The following KCNH7 variants were observed in gnomAD, a reference collection of about 807,000 sequenced individuals.
KCNH7 encodes potassium voltage-gated channel subfamily H member 7, also known as voltage-gated inwardly rectifying potassium channel KCNH7.
In KCNH7, 49 loss-of-function variants were observed where a neutral mutation model predicts 120.8. The observed-to-expected ratio is 0.41, with a 90% CI of 0.32 to 0.51. The LOEUF is 0.51. Among genes scored for constraint, KCNH7 ranks in the 20% least tolerant of loss-of-function variants. The pLI, the probability that KCNH7 is intolerant of heterozygous loss-of-function variation, is 0.38. For missense variants in KCNH7, 1,097 were observed against 1,446.6 expected (o/e 0.76, Z 3.92); for synonymous variants, 547 against 516.1 (o/e 1.06, Z -0.81).
chr2:162,758,509 C>T (rs1688864179), intron 2 of KCNH7, among the ~76,000 whole-genome samples: 1 of 151,688 alleles, frequency 6.6e-6, no homozygotes, highest in African/African-American at 2.4e-5. Flanking sequence ...ATATAAATAA[C>T]TATGGGTATA....
intron 2 of KCNH7, among the ~76,000 whole-genome samples, chr2:162,646,413 T>C (rs1298521188): frequency 6.6e-6 from 1 of 152,168 alleles, no homozygotes; most frequent in African/African-American, 2.4e-5. Flanking sequence ...CACTCCACAC[T>C]ACAGAACGGC....
chr2:162,440,061 AAG>A (rs1334114338), intron 7 of KCNH7, among the ~76,000 whole-genome samples: 1 of 151,778 alleles, frequency 6.6e-6, no homozygotes, highest in African/African-American at 2.4e-5. Context: ...CAGTTAAATG[AAG>A]AGAGACTCAT....
intron 2 of KCNH7, among the ~76,000 whole-genome samples, chr2:162,810,928 G>A (rs1003212765): frequency 2.0e-5 from 3 of 151,978 alleles, no homozygotes; most frequent in African/African-American, 7.3e-5. Flanking sequence ...TATGGTAAAG[G>A]CCGCTCCCCT....
chr2:162,569,922 C>A (rs1369024562), intron 2 of KCNH7, among the ~76,000 whole-genome samples: 3 of 127,946 alleles, frequency 2.3e-5, no homozygotes, highest in African/African-American at 9.6e-5. Context: ...TGTTCTTTTA[C>A]ATTTGCTGAG....
chr2:162,716,339 T>C (rs1216582258), intron 2 of KCNH7, among the ~76,000 whole-genome samples: 1 of 152,180 alleles, frequency 6.6e-6, no homozygotes, highest in African/African-American at 2.4e-5. Flanking sequence ...TTATTTATTC[T>C]ATAAAAATTT....
intron 9 of KCNH7, among the ~76,000 whole-genome samples, chr2:162,419,541 T>C (rs928267962): frequency 1.9e-4 from 29 of 152,224 alleles, no homozygotes; most frequent in African/African-American, 6.7e-4. Flanking sequence ...TGAGAGTTAG[T>C]TTTTAGGTCT....
At chr2:162,768,743 G>T (rs1336737545) in intron 2 of KCNH7, among the ~76,000 whole-genome samples, 4 of 152,140 alleles carry the variant, frequency 2.6e-5, no homozygotes, top group Admixed American at 2.6e-4. Flanking sequence ...TGGAAAGTGT[G>T]AATGCAGGCT....
intron 2 of KCNH7, among the ~76,000 whole-genome samples, chr2:162,598,209 G>A (rs1694441508): frequency 6.6e-6 from 1 of 152,056 alleles, no homozygotes; most frequent in African/African-American, 2.4e-5. Flanking sequence ...AAGAGACTTT[G>A]AATAATTGAT....
At chr2:162,661,335 A>C (rs530642228) in intron 2 of KCNH7, among the ~76,000 whole-genome samples, 2 of 152,342 alleles carry the variant, frequency 1.3e-5, no homozygotes, top group South Asian at 4.1e-4. Flanking sequence ...TAGAGAATTC[A>C]GTGTGGAAGA....
At chr2:162,770,686 CTTTA>C (rs1447310663) in intron 2 of KCNH7, among the ~76,000 whole-genome samples, 6 of 151,698 alleles carry the variant, frequency 4.0e-5, no homozygotes, top group Admixed American at 2.6e-4. Flanking sequence ...TCTCATGAAT[CTTTA>C]TTTATTTTCA....
chr2:162,523,456 G>A (rs960613779), intron 3 of KCNH7, among the ~76,000 whole-genome samples: 7 of 151,716 alleles, frequency 4.6e-5, no homozygotes, highest in African/African-American at 1.7e-4. Flanking sequence ...TATTTCCTAT[G>A]GTAATGGGGC....
chr2:162,512,580 C>T, intron 5 of KCNH7, 74 bp downstream of exon 5: 3 of 1,353,024 alleles, frequency 2.2e-6, no homozygotes, highest in Non-Finnish European at 3.2e-6. Flanking sequence ...ACAGGGCATA[C>T]AGCAGGCAAG....
intron 2 of KCNH7, among the ~76,000 whole-genome samples, chr2:162,669,796 A>G (rs1284653299): frequency 6.6e-6 from 1 of 152,134 alleles, no homozygotes; most frequent in East Asian, 1.9e-4. Context: ...GGTAATGTCT[A>G]AAGTATGTGC....
chr2:162,680,719 C>T (rs752998733), intron 2 of KCNH7, among the ~76,000 whole-genome samples: 26 of 151,734 alleles, frequency 1.7e-4, no homozygotes, highest in Non-Finnish European at 2.7e-4. Flanking sequence ...CACTTATTGG[C>T]TGTGCGGGTG....
chr2:162,760,654 C>T (rs951264996), intron 2 of KCNH7, among the ~76,000 whole-genome samples: 22 of 152,090 alleles, frequency 1.4e-4, no homozygotes, highest in African/African-American at 5.3e-4. Context: ...ATTCTTAATG[C>T]GATCAAAAGT....
intron 2 of KCNH7, among the ~76,000 whole-genome samples, chr2:162,816,016 T>C (rs1688051651): frequency 6.6e-6 from 1 of 152,092 alleles, no homozygotes; most frequent in Non-Finnish European, 1.5e-5. Context: ...CCCAGCACTT[T>C]GGGAGGCCAA....
chr2:162,601,399 C>CTTTTTGTTTT (rs1694548863), intron 2 of KCNH7, among the ~76,000 whole-genome samples: 1 of 9,602 alleles, frequency 1.0e-4, no homozygotes. Flanking sequence ...ACTTCTTGTG[C>CTTTTTGTTTT]TTTTTTTTTT....
chr2:162,780,023 A>C (rs1178282302), intron 2 of KCNH7, among the ~76,000 whole-genome samples: 1 of 152,202 alleles, frequency 6.6e-6, no homozygotes, highest in Admixed American at 6.5e-5. Context: ...TAGTGGTGCA[A>C]ATGGATTCAA....
At chr2:162,404,696 C>A (rs190660929) in intron 9 of KCNH7, among the ~76,000 whole-genome samples, 109 of 152,096 alleles carry the variant, frequency 7.2e-4, no homozygotes, top group Admixed American at 2.9e-3. Context: ...GATGCTAGCA[C>A]CATGCTTGTA....
Sources: allele counts gnomAD v4.1 joint callset (sites outside exome capture counted in the v4.1 genomes callset), GRCh38; gene constraint gnomAD v4.1.1; transcripts MANE v1.5; gene names NCBI Gene and HGNC (gene_info 2026-07-23, HGNC 2026-07-21).